KCND2: variants seen among roughly 807,000 people sequenced by gnomAD.
The protein encoded by KCND2 is A-type voltage-gated potassium channel KCND2.
Under a neutral mutation model 54.4 loss-of-function variants are expected in KCND2, and 16 were observed. That is an observed-to-expected ratio of 0.29 (90% CI 0.20 to 0.45). The LOEUF is 0.45. KCND2 is among the 20% of genes least tolerant of loss of function. The pLI is 1.00. For missense variants in KCND2, 486 were observed against 824.2 expected, an observed-to-expected ratio of 0.59 and a Z score of 5.02; for synonymous variants, 317 against 310.7, an observed-to-expected ratio of 1.02 and a Z score of -0.21.
chr7:120,383,588 T>C (rs1361102496), intron 1 of KCND2, among the ~76,000 whole-genome samples: 6 of 151,982 alleles, frequency 3.9e-5, no homozygotes, highest in Non-Finnish European at 8.8e-5. Context: ...GAGCAAGAGG[T>C]CTTAACTTTA....
At chr7:120,339,053 A>ATTT (rs111566147) in intron 1 of KCND2, among the ~76,000 whole-genome samples, 14 of 141,210 alleles carry the variant, frequency 9.9e-5, no homozygotes, top group East Asian at 8.0e-4. Flanking sequence ...GCTAATTATT[A>ATTT]TTTTTTTTTT....
At chr7:120,469,002 G>GT (rs1802416990) in intron 1 of KCND2, among the ~76,000 whole-genome samples, 2 of 146,310 alleles carry the variant, frequency 1.4e-5, no homozygotes, top group African/African-American at 5.3e-5. Context: ...AGATCTTTGT[G>GT]GTTATGGTGT....
chr7:120,686,645 T>A (rs1792205616), intron 1 of KCND2, among the ~76,000 whole-genome samples: 1 of 152,140 alleles, frequency 6.6e-6, no homozygotes, highest in Admixed American at 6.6e-5. Flanking sequence ...GTTTGACCTT[T>A]GACTTGGGGT....
chr7:120,531,474 C>A (rs1441078192), intron 1 of KCND2, among the ~76,000 whole-genome samples: 2 of 152,080 alleles, frequency 1.3e-5, no homozygotes, highest in African/African-American at 4.8e-5. Flanking sequence ...CTGTTCTTAT[C>A]AGCATAAAAA....
At position 120,288,168 on chromosome 7, in the gene KCND2, A is replaced by T; in HGVS notation, c.1115+12421A>T. Among the ~76,000 whole-genome samples the T allele has an allele frequency of 1.3e-5, 2 of 152,152 alleles. 1 individual carries two copies. The highest frequency in any genetic ancestry group is 2.9e-5 in the Non-Finnish European group (2 of 68,014). On this transcript the variant is annotated intron_variant, in intron 1 of 5. Coordinates refer to ENST00000331113, the MANE Select transcript of KCND2 (RefSeq NM_012281.3). ...GAGCTTTTCTTAGTAGAGGCAGAAG[A>T]TAATCGACCAATTGGTTGTAATAAA...
In KCND2 at chr7:120,616,480, T is replaced by C. The variant is rs1047424630; in HGVS notation, c.1116-116423T>C. ...AATCTGATAGAAATTGATCATCTCC[T>C]CAAATCATTTCATGGCTTCAACAAA... On this transcript the variant is annotated intron_variant, in intron 1 of 5. Transcript: ENST00000331113. Among the ~76,000 whole-genome samples, 8 of 152,318 alleles carry C rather than the reference T, an allele frequency of 5.3e-5. No homozygotes were observed. In the South Asian group the frequency reaches 1.5e-3, roughly 28 times the overall value.
intron 1 of KCND2, among the ~76,000 whole-genome samples, chr7:120,316,053 A>G (rs1447434506): frequency 6.6e-6 from 1 of 152,198 alleles, no homozygotes; most frequent in Non-Finnish European, 1.5e-5. Context: ...AAAGTAGGAA[A>G]AGGTGGAAAT....
chr7:120,641,495 C>T (rs545620994), intron 1 of KCND2, among the ~76,000 whole-genome samples: 7 of 152,234 alleles, frequency 4.6e-5, no homozygotes, highest in Middle Eastern at 3.4e-3. Context: ...CCTGCCTCTC[C>T]TTCCCTCTGG....
intron 1 of KCND2, among the ~76,000 whole-genome samples, chr7:120,675,844 G>C (rs1388694504): frequency 6.9e-6 from 1 of 145,584 alleles, no homozygotes; most frequent in Non-Finnish European, 1.5e-5. Context: ...CTTCCTACTT[G>C]TCTTTCTATT....
intron 1 of KCND2, among the ~76,000 whole-genome samples, chr7:120,619,929 T>C (rs1450125953): frequency 2.0e-5 from 3 of 152,122 alleles, no homozygotes; most frequent in Non-Finnish European, 2.9e-5. Context: ...CTAGTCACGA[T>C]GGTATGTGGA....
At chr7:120,336,549 T>C (rs1283806351) in intron 1 of KCND2, among the ~76,000 whole-genome samples, 1 of 152,182 alleles carries the variant, frequency 6.6e-6, no homozygotes, top group Non-Finnish European at 1.5e-5. Context: ...GTAGCTATAG[T>C]ATTTATTTTA....
At chr7:120,523,636 A>G (rs1791729193) in intron 1 of KCND2, among the ~76,000 whole-genome samples, 1 of 148,658 alleles carries the variant, frequency 6.7e-6, no homozygotes, top group African/African-American at 2.4e-5. Context: ...TATAGTATGT[A>G]TATACAATAC....
chr7:120,557,126 GA>G (rs960531453), intron 1 of KCND2, among the ~76,000 whole-genome samples: 6 of 151,980 alleles, frequency 3.9e-5, no homozygotes, highest in Non-Finnish European at 7.4e-5. Context: ...GTGTTACTTA[GA>G]AAAAGCTATA....
chr7:120,304,684 C>A (rs994659284), intron 1 of KCND2, among the ~76,000 whole-genome samples: 16 of 152,182 alleles, frequency 1.1e-4, no homozygotes, highest in African/African-American at 3.9e-4. Context: ...CTTCTTTCCT[C>A]TTTTTCACAA....
chr7:120,687,315 C>T (rs1792214642), intron 1 of KCND2, among the ~76,000 whole-genome samples: 1 of 152,068 alleles, frequency 6.6e-6, no homozygotes, highest in African/African-American at 2.4e-5. Flanking sequence ...CAGATATAAA[C>T]TTTCAGTTAT....
intron 1 of KCND2, among the ~76,000 whole-genome samples, chr7:120,559,246 A>T (rs1792202894): frequency 6.6e-6 from 1 of 152,224 alleles, no homozygotes; most frequent in Non-Finnish European, 1.5e-5. Flanking sequence ...TTTTCAAATG[A>T]CTTTCATGGT....
At chr7:120,707,270 T>G (rs1021984457) in intron 1 of KCND2, among the ~76,000 whole-genome samples, 10 of 152,108 alleles carry the variant, frequency 6.6e-5, no homozygotes, top group Non-Finnish European at 1.2e-4. Context: ...TATAATACAC[T>G]TATATAACAA....
rs572645714 is a variant in KCND2, at chr7:120,622,386, C to T, written c.1116-110517C>T. Among the ~76,000 whole-genome samples the T allele has an allele frequency of 2.5e-3, 378 of 152,208 alleles. 2 individuals carry two copies. Among genetic ancestry groups the T allele is most frequent in the African/African-American group, 8.7e-3 (363 of 41,526 alleles). On this transcript the variant is annotated intron_variant, in intron 1 of 5. Transcript: ENST00000331113. The stretch of plus-strand genomic sequence containing the variant: ...TACTGCTGTTTCAGAATAGATATGA[C>T]AGGTTTTCCATCAGACCGGTGAATG...
chr7:120,286,479 T>C (rs1799346093), intron 1 of KCND2, among the ~76,000 whole-genome samples: 1 of 151,942 alleles, frequency 6.6e-6, no homozygotes, highest in African/African-American at 2.4e-5. Context: ...ACATTACAAA[T>C]AGGTGCTATA....
Sources: gnomAD v4.1 joint callset for allele counts (sites outside exome capture counted in the v4.1 genomes callset) on GRCh38, gnomAD v4.1.1 for gene constraint, MANE v1.5 for transcripts, NCBI Gene and HGNC (gene_info 2026-07-23, HGNC 2026-07-21) for gene names.